Variants in CAMTA1 observed in about 807,000 individuals in gnomAD.
CAMTA1 encodes the protein calmodulin binding transcription activator 1.
CAMTA1 carries 27 observed loss-of-function variants against 170.9 expected under a neutral mutation model. That is an observed-to-expected ratio of 0.16 (90% CI 0.12 to 0.22). The LOEUF is 0.22. Among genes scored for constraint, CAMTA1 ranks in the 10% least tolerant of loss-of-function variants. CAMTA1 has a pLI of 1.00. For synonymous variants in CAMTA1, 833 were observed against 891.5 expected (o/e 0.93, Z 1.17); for missense variants, 1,619 against 2,217.2 (o/e 0.73, Z 5.42).
At chr1:7,021,983 C>T (rs1251700966) in intron 3 of CAMTA1, among the ~76,000 whole-genome samples, 2 of 152,132 alleles carry the variant, frequency 1.3e-5, no homozygotes, top group Admixed American at 1.3e-4. Context: ...GTCCCAGAGA[C>T]TCAGGGAGGG....
chr1:7,356,813 A>G (rs1361413166), intron 5 of CAMTA1, among the ~76,000 whole-genome samples: 1 of 152,168 alleles, frequency 6.6e-6, no homozygotes, highest in African/African-American at 2.4e-5. Context: ...CCGAGGACAA[A>G]TTACTTAACT....
At chr1:7,265,007 G>A (rs1389324752) in intron 5 of CAMTA1, among the ~76,000 whole-genome samples, 1 of 152,204 alleles carries the variant, frequency 6.6e-6, no homozygotes, top group Non-Finnish European at 1.5e-5. Context: ...CTGACACCAG[G>A]GCCTGCAGGG....
At chr1:7,519,185 G>A (rs1375428635) in intron 6 of CAMTA1, among the ~76,000 whole-genome samples, 5 of 152,082 alleles carry the variant, frequency 3.3e-5, no homozygotes, top group Non-Finnish European at 7.3e-5. Flanking sequence ...GATGCCAGAG[G>A]TGCCCTGATG....
intron 5 of CAMTA1, among the ~76,000 whole-genome samples, chr1:7,253,413 G>C (rs1666905409): frequency 6.6e-6 from 1 of 152,150 alleles, no homozygotes; most frequent in South Asian, 2.1e-4. Context: ...GGCTGCCTTA[G>C]GTCCTGTGTC....
In CAMTA1 at chr1:7,534,920, AAAG is replaced by A. The variant is rs1391723395; in HGVS notation, c.510+67023_510+67025del. ...TGTCTCGATTTTGAAAAAGATGCAG[AAAG>A]AAGGAAAGAAAGTGGAGGGCAGAGG... On this transcript the variant is annotated intron_variant, in intron 6 of 22. Coordinates refer to ENST00000303635, the MANE Select transcript of CAMTA1 (RefSeq NM_015215.4). The surrounding 1 kb of genome is among the most constrained non-coding windows in gnomAD (Gnocchi z 5.6). Among the ~76,000 whole-genome samples the A allele has an allele frequency of 6.6e-6, 1 of 152,018 alleles. No individual in the cohort carries two copies. The highest frequency in any genetic ancestry group is 2.4e-5 in the African/African-American group (1 of 41,374).
chr1:7,722,329 G>T (rs1258520231), intron 11 of CAMTA1, among the ~76,000 whole-genome samples: 1 of 152,200 alleles, frequency 6.6e-6, no homozygotes, highest in African/African-American at 2.4e-5. Context: ...AGGAACCCCT[G>T]TCAGAGAAAG....
intron 3 of CAMTA1, among the ~76,000 whole-genome samples, chr1:6,839,152 G>A (rs1299652855): frequency 6.6e-6 from 1 of 152,102 alleles, no homozygotes; most frequent in Non-Finnish European, 1.5e-5. Context: ...GGAGGCTGAG[G>A]CGGGCAGATC....
chr1:7,354,154 T>G (rs1252851425), intron 5 of CAMTA1, among the ~76,000 whole-genome samples: 1 of 151,258 alleles, frequency 6.6e-6, no homozygotes, highest in African/African-American at 2.4e-5. Context: ...TTTTCTCTTT[T>G]TTTTTTTTTT....
At chr1:7,558,338 G>C (rs1338696658) in intron 6 of CAMTA1, among the ~76,000 whole-genome samples, 1 of 152,212 alleles carries the variant, frequency 6.6e-6, no homozygotes, top group Non-Finnish European at 1.5e-5. Context: ...GGGGGTCAAG[G>C]CCGCCAGGGT....
At chr1:6,947,485 C>G (rs923099825) in intron 3 of CAMTA1, among the ~76,000 whole-genome samples, 3 of 151,384 alleles carry the variant, frequency 2.0e-5, no homozygotes, top group African/African-American at 7.3e-5. Flanking sequence ...AAGTGATTAT[C>G]TCATCTCACC....
At chr1:7,175,495 C>T (rs960665351) in intron 4 of CAMTA1, among the ~76,000 whole-genome samples, 2 of 152,222 alleles carry the variant, frequency 1.3e-5, no homozygotes, top group African/African-American at 4.8e-5. Flanking sequence ...AGAAAGGCAC[C>T]CCGCCAAATG....
intron 4 of CAMTA1, among the ~76,000 whole-genome samples, chr1:7,102,365 A>C (rs1041830020): frequency 1.3e-4 from 20 of 152,222 alleles, no homozygotes; most frequent in African/African-American, 4.8e-4. Flanking sequence ...TCACTGAAGC[A>C]TTGGTGGCTG....
intron 4 of CAMTA1, among the ~76,000 whole-genome samples, chr1:7,191,790 C>G (rs79516632): frequency 0.021 from 3,259 of 152,256 alleles, 65 homozygotes; most frequent in South Asian, 0.094. Context: ...TTTGCAGTCC[C>G]CAGGAATAAG....
At position 7,735,286 on chromosome 1, in the gene CAMTA1, G is replaced by A. The variant is rs531551012; in HGVS notation, c.3067-1058G>A. 3.9e-3 allele frequency among the ~76,000 whole-genome samples: 589 copies of A among 152,116 alleles called. 5 individuals carry two copies. The highest frequency in any genetic ancestry group is 0.014 in the African/African-American group (563 of 41,488). ...TGAGGCAGGCAGATCACTTGAGATCGGGTGTTCGAGACCAGCCTGGCCAAC... is the reference window on the plus strand; with the variant it reads ...TGAGGCAGGCAGATCACTTGAGATCAGGTGTTCGAGACCAGCCTGGCCAAC... On this transcript the variant is annotated intron_variant, in intron 12 of 22. Transcript: ENST00000303635.
intron 4 of CAMTA1, among the ~76,000 whole-genome samples, chr1:7,182,443 G>A (rs146600556): frequency 1.6e-4 from 24 of 151,000 alleles, no homozygotes; most frequent in East Asian, 1.2e-3. Context: ...GCAGTGAACC[G>A]TGATCGTGCC....
At chr1:7,109,313 C>T (rs555138610) in intron 4 of CAMTA1, among the ~76,000 whole-genome samples, 1 of 152,306 alleles carries the variant, frequency 6.6e-6, no homozygotes, top group African/African-American at 2.4e-5. Flanking sequence ...CTATGCATTA[C>T]ACGAAAGCAC....
chr1:7,482,119 A>G lies in CAMTA1; in HGVS notation c.510+14218A>G, dbSNP rs776785642. Among the ~76,000 whole-genome samples the G allele has an allele frequency of 2.6e-5, 4 of 151,928 alleles. No homozygotes were observed. Among genetic ancestry groups the G allele is most frequent in the Non-Finnish European group, 5.9e-5 (4 of 67,974 alleles). ...ATATACTTGGCTTCTTTCACTCCAC[A>G]TCGTATTTTGCCATTCATCATGTTG... On this transcript the variant is annotated intron_variant, in intron 6 of 22. Coordinates refer to ENST00000303635, the MANE Select transcript of CAMTA1 (RefSeq NM_015215.4). The surrounding 1 kb of genome is among the most constrained non-coding windows in gnomAD (Gnocchi z 4.2).
chr1:7,179,489 A>G (rs775550317), intron 4 of CAMTA1, among the ~76,000 whole-genome samples: 1 of 152,236 alleles, frequency 6.6e-6, no homozygotes, highest in African/African-American at 2.4e-5. Flanking sequence ...ATTTACAAAC[A>G]GTTATATATT....
intron 3 of CAMTA1, among the ~76,000 whole-genome samples, chr1:6,893,124 T>C (rs986609361): frequency 2.6e-5 from 4 of 151,724 alleles, no homozygotes; most frequent in African/African-American, 4.8e-5. Context: ...CTACTAAAAA[T>C]GCAAAAAATT....
Sources: gnomAD v4.1 joint callset for allele counts (sites outside exome capture counted in the v4.1 genomes callset) on GRCh38, gnomAD v4.1.1 for gene constraint, Gnocchi (gnomAD v3.1) non-coding constraint, MANE v1.5 for transcripts, NCBI Gene and HGNC (gene_info 2026-07-23, HGNC 2026-07-21) for gene names.